EXOG: variants seen among roughly 807,000 people sequenced by gnomAD.
The protein encoded by EXOG is exo/endonuclease G.
EXOG carries 27 observed loss-of-function variants against 25.8 expected under a neutral mutation model. The observed-to-expected ratio is 1.05, with a 90% CI of 0.77 to 1.45. EXOG has a LOEUF of 1.45. Ranked by LOEUF, EXOG falls within the 40% of genes most tolerant of loss-of-function variation. EXOG has a pLI of 0.00. For synonymous variants in EXOG, 133 were observed against 167.0 expected, an observed-to-expected ratio of 0.80 and a Z score of 1.57; for missense variants, 458 against 450.5, an observed-to-expected ratio of 1.02 and a Z score of -0.15.
chr3:38,499,546 T>C (rs748128241), intron 2 of EXOG: 1 of 391,070 alleles, frequency 2.6e-6, no homozygotes, highest in Non-Finnish European at 5.0e-6. Flanking sequence ...AAAGGTCTTC[T>C]GTTTTCAGTA....
chr3:38,510,292 G>A lies in EXOG; in HGVS notation c.645+3324G>A, dbSNP rs149552219. 9.0e-4 allele frequency among the ~76,000 whole-genome samples: 137 copies of A among 152,124 alleles called. 2 individuals carry two copies. The highest frequency in any genetic ancestry group is 2.6e-4 in the Non-Finnish European group (18 of 68,008). ...TTAAAGAGTCATGCAAACAAAATGT[G>A]TAGTATGATCTTAGATTAGATCCTA... On this transcript the variant is annotated intron_variant, in intron 5 of 5. Coordinates refer to ENST00000287675, the MANE Select transcript of EXOG (RefSeq NM_005107.4).
chr3:38,497,125 G>A (rs569146444), intron 1 of EXOG: 1 of 1,002,662 alleles, frequency 1.0e-6, no homozygotes, highest in Admixed American at 5.9e-5. Context: ...CTTTGCGGAT[G>A]TGCTAATTTA....
At chr3:38,510,901 T>C (rs1042103097) in intron 5 of EXOG, among the ~76,000 whole-genome samples, 1 of 152,144 alleles carries the variant, frequency 6.6e-6, no homozygotes, top group Non-Finnish European at 1.5e-5. Flanking sequence ...TCTTGTTTCT[T>C]GTTTTTATTT....
rs1209766637 is a variant in EXOG at position 38,526,255 on chromosome 3, G to T, written c.*1893G>T. On this transcript the variant is annotated 3_prime_UTR_variant, in exon 6 of 6. Transcript: ENST00000287675. ...CAAGAAAGATTTTTGTGGTGTGTTT[G>T]TTCTAAGAGAAATGCCAAGGCTTTC... 1.0e-6 allele frequency: 1 copy of T among 984,434 alleles called. No individual in the cohort carries two copies. Among genetic ancestry groups the T allele is most frequent in the African/African-American group, 1.7e-5 (1 of 57,204 alleles). 61.0% of individuals were successfully genotyped at this position (984,434 alleles called of 1,614,324 possible). A position where few individuals can be genotyped will look rare whatever the true frequency, so the allele number is the denominator to read the frequency against.
intron 5 of EXOG, among the ~76,000 whole-genome samples, chr3:38,516,845 A>G (rs1053975630): frequency 6.6e-5 from 10 of 152,112 alleles, no homozygotes; most frequent in Non-Finnish European, 1.3e-4. Flanking sequence ...GTTTTACAGT[A>G]TGTCCCTCCT....
chr3:38,508,491 A>C (rs2060269632), intron 5 of EXOG, among the ~76,000 whole-genome samples: 1 of 152,178 alleles, frequency 6.6e-6, no homozygotes, highest in Non-Finnish European at 1.5e-5. Flanking sequence ...CTATACTGTG[A>C]GGCTTACAGA....
At position 38,525,328 on chromosome 3, in the gene EXOG, T is replaced by G. The variant is rs112307906; in HGVS notation, c.*966T>G. On this transcript the variant is annotated 3_prime_UTR_variant, in exon 6 of 6. Transcript: ENST00000287675. Reference sequence around the variant, plus strand: ...AGGTAGATTCAAATCTTTTCTGACATGGATGGTGGCTTTTTACTCAGAAAT... The same window carrying G: ...AGGTAGATTCAAATCTTTTCTGACAGGGATGGTGGCTTTTTACTCAGAAAT... The G allele has an allele frequency of 1.0e-6, 1 of 985,130 alleles. No individual in the cohort carries two copies. The highest frequency in any genetic ancestry group is 1.7e-5 in the African/African-American group (1 of 57,358). The allele number at this position is 985,130 out of a possible 1,614,324, so 61.0% of individuals were successfully genotyped here.
intron 2 of EXOG, chr3:38,498,642 T>G: frequency 5.0e-6 from 1 of 199,056 alleles, no homozygotes. Context: ...GACTGAAGAG[T>G]GAACGGAAAT....
At chr3:38,496,997 C>A in intron 1 of EXOG, 1 of 1,049,140 alleles carries the variant, frequency 9.5e-7, no homozygotes, top group Non-Finnish European at 1.2e-6. Flanking sequence ...CTTCTTTCGT[C>A]ATTGTTCAGT....
intron 4 of EXOG, among the ~76,000 whole-genome samples, chr3:38,505,221 A>C (rs1166387551): frequency 3.3e-5 from 5 of 151,502 alleles, no homozygotes; most frequent in Admixed American, 3.3e-4. Context: ...TAGACACAAA[A>C]ATTTGGTTGA....
rs544987286 is a variant in EXOG, at chr3:38,523,246, A to T, written c.646-655A>T. On this transcript the variant is annotated intron_variant, in intron 5 of 5. Transcript: ENST00000287675. ...ACCAGAAGTTCTGATTATGAGATGA[A>T]GAGAAAATGACAGCTTTTCTTGTCT... 13 of 1,287,694 alleles carry T rather than the reference A, an allele frequency of 1.0e-5. No individual in the cohort carries two copies. In the Admixed American group the frequency reaches 3.0e-4, roughly 30 times the overall value. The allele number at this position is 1,287,694 out of a possible 1,614,324, so 79.8% of individuals were successfully genotyped here. A position where few individuals can be genotyped will look rare whatever the true frequency, so the allele number is the denominator to read the frequency against.
intron 2 of EXOG, chr3:38,501,041 A>G (rs1045200317): frequency 2.0e-5 from 4 of 204,488 alleles, no homozygotes; most frequent in South Asian, 1.6e-4. Context: ...AGCTTTTTAT[A>G]TAGTTTAGTG....
chr3:38,497,411 A>T, intron 1 of EXOG: 1 of 1,317,004 alleles, frequency 7.6e-7, no homozygotes, highest in South Asian at 2.2e-5. Flanking sequence ...TTATTCACTG[A>T]TTATAGGCAA....
Position 38,524,372 on chromosome 3 carries a change from C to T in EXOG, c.*10C>T. ...AAGAAAGCCATCCTAGTTTTTATCTCAAGATGTGTCATACCGTCTGTAATG... is the reference window on the plus strand; with the variant it reads ...AAGAAAGCCATCCTAGTTTTTATCTTAAGATGTGTCATACCGTCTGTAATG... On this transcript the variant is annotated 3_prime_UTR_variant, in exon 6 of 6. Transcript: ENST00000287675. 6.3e-7 allele frequency: 1 copy of T among 1,590,270 alleles called. No homozygotes were observed. The highest frequency in any genetic ancestry group is 8.5e-7 in the Non-Finnish European group (1 of 1,170,532).
At chr3:38,502,822 G>A (rs1303270940) in intron 3 of EXOG, among the ~76,000 whole-genome samples, 1 of 152,082 alleles carries the variant, frequency 6.6e-6, no homozygotes, top group Non-Finnish European at 1.5e-5. Flanking sequence ...CTGCCAAAAA[G>A]TGGGAGGAGT....
At position 38,496,410 on chromosome 3, in the gene EXOG, C is replaced by G. The variant is rs140624245; in HGVS notation, c.43C>G (p.Arg15Gly). Residue 15 changes from arginine to glycine, a missense_variant, in exon 1 of 6, where the codon CGT becomes GGT. By Grantham distance (125) the Arg-to-Gly change is moderately radical (BLOSUM62 -2). Transcript: ENST00000287675. ...CGCTTCCCGCCTCCGGGGTTCCCGT[C>G]GTTTTCTGAGCGGCTTCGTGGCTGG... The part of the protein sequence containing the change: ...SIASRLRGSR[R>G]FLSGFVAGAV... The G allele has an allele frequency of 1.7e-4, 280 of 1,614,024 alleles. No homozygotes were observed. Among genetic ancestry groups the G allele is most frequent in the African/African-American group, 1.7e-3 (126 of 75,050 alleles).
At chr3:38,497,299 G>T in intron 1 of EXOG, 18 of 1,048,064 alleles carry the variant, frequency 1.7e-5, no homozygotes, top group Non-Finnish European at 2.1e-5. Context: ...CTGTCATCTT[G>T]CAACAGCACA....
chr3:38,502,115 T>G (rs1482487535), intron 3 of EXOG, among the ~76,000 whole-genome samples: 1 of 152,134 alleles, frequency 6.6e-6, no homozygotes, highest in Non-Finnish European at 1.5e-5. Context: ...GAGATGGGGT[T>G]TCACCACGTT....
intron 4 of EXOG, among the ~76,000 whole-genome samples, chr3:38,504,538 C>T (rs868288073): frequency 3.2e-4 from 49 of 152,108 alleles, no homozygotes; most frequent in African/African-American, 1.1e-3. Context: ...CGGGTTCAAG[C>T]GATTCTCCTG....
Sources: allele counts gnomAD v4.1 joint callset (sites outside exome capture counted in the v4.1 genomes callset), GRCh38; gene constraint gnomAD v4.1.1; transcripts MANE v1.5; gene names NCBI Gene and HGNC (gene_info 2026-07-23, HGNC 2026-07-21).